Variants in GPAM observed in about 807,000 individuals in gnomAD.
GPAM encodes the protein glycerol-3-phosphate acyltransferase, mitochondrial.
GPAM carries 56 observed loss-of-function variants against 105.0 expected under a neutral mutation model. The ratio of observed to expected loss-of-function variants is 0.53; its 90% CI spans 0.43 to 0.67. The LOEUF is 0.67. Ranked by LOEUF, GPAM falls within the 30% of genes least tolerant of loss-of-function variation. The pLI is 0.00. For missense variants in GPAM, 855 were observed against 989.8 expected, an observed-to-expected ratio of 0.86 and a Z score of 1.83; for synonymous variants, 368 against 354.4, an observed-to-expected ratio of 1.04 and a Z score of -0.43.
At chr10:112,195,700 A>G (rs992091313) in intron 1 of GPAM, among the ~76,000 whole-genome samples, 2 of 152,202 alleles carry the variant, frequency 1.3e-5, no homozygotes, top group Admixed American at 6.5e-5. Context: ...CTACATTCCT[A>G]GTACCTGACG....
chr10:112,199,665 G>A (rs1847769558), intron 1 of GPAM, among the ~76,000 whole-genome samples: 1 of 152,202 alleles, frequency 6.6e-6, no homozygotes, highest in Middle Eastern at 3.2e-3. Context: ...ATAAAGGAAA[G>A]AGGCTTAATT....
At chr10:112,194,250 G>A (rs1847697249) in intron 1 of GPAM, among the ~76,000 whole-genome samples, 1 of 152,108 alleles carries the variant, frequency 6.6e-6, no homozygotes, top group Non-Finnish European at 1.5e-5. Context: ...ATGTGTCCCG[G>A]ATAACTAAAC....
At chr10:112,166,971 T>C (rs905923549) in intron 11 of GPAM, among the ~76,000 whole-genome samples, 1 of 152,178 alleles carries the variant, frequency 6.6e-6, no homozygotes, top group African/African-American at 2.4e-5. Context: ...GCCTTTGAGC[T>C]GAGTATTCAT....
chr10:112,225,796 CT>C, the GPAM span, among the ~76,000 whole-genome samples: 18 of 152,326 alleles, frequency 1.2e-4, no homozygotes, highest in Admixed American at 3.9e-4. Flanking sequence ...AACTATCCCC[CT>C]CCACTAGGGT....
At chr10:112,177,256 C>T (rs948344987) in intron 5 of GPAM, among the ~76,000 whole-genome samples, 9 of 152,166 alleles carry the variant, frequency 5.9e-5, no homozygotes, top group African/African-American at 2.2e-4. Flanking sequence ...ATCATAAGGG[C>T]TTCAAGTAGT....
chr10:112,167,476 C>T (rs1220372986), intron 11 of GPAM, among the ~76,000 whole-genome samples: 1 of 152,094 alleles, frequency 6.6e-6, no homozygotes, highest in Non-Finnish European at 1.5e-5. Context: ...TACAGCCAAA[C>T]ATTTTGTTAA....
At chr10:112,156,140 A>G (rs1847014640) in intron 19 of GPAM, 87 bp from the exon 20 acceptor site, 1 of 889,944 alleles carries the variant, frequency 1.1e-6, no homozygotes, top group Non-Finnish European at 1.8e-6. Context: ...CTGGAGAGCC[A>G]GTAACGTGAG....
chr10:112,166,707 T>C (rs1047853971), intron 11 of GPAM, among the ~76,000 whole-genome samples, 192 bp from the exon 12 acceptor site: 1 of 152,222 alleles, frequency 6.6e-6, no homozygotes, highest in Non-Finnish European at 1.5e-5. Flanking sequence ...AAAGATGTAA[T>C]CATGTCATTG....
chr10:112,193,683 T>G (rs1218253175), intron 1 of GPAM, among the ~76,000 whole-genome samples: 1 of 152,220 alleles, frequency 6.6e-6, no homozygotes, highest in Admixed American at 6.5e-5. Context: ...GATATATTAT[T>G]CAGCTAGCCT....
chr10:112,210,363 T>G (rs762280189), intron 1 of GPAM, among the ~76,000 whole-genome samples: 1 of 152,186 alleles, frequency 6.6e-6, no homozygotes, highest in African/African-American at 2.4e-5. Context: ...TTTTCAAATC[T>G]TGAATTCATG....
rs1220636595 is a variant in GPAM at position 112,152,687 on chromosome 10, T to A, written c.*863A>T. 3 of 985,166 alleles carry A rather than the reference T, an allele frequency of 3.0e-6. No homozygotes were observed. In the African/African-American group the frequency reaches 5.2e-5, roughly 17 times the overall value. 61.0% of individuals were successfully genotyped at this position (985,166 alleles called of 1,614,324 possible). On this transcript the variant is annotated 3_prime_UTR_variant, in exon 22 of 22. Coordinates refer to ENST00000348367, the MANE Select transcript of GPAM (RefSeq NM_001244949.2). ...AGGATTTCCAAGAAACAGCTGTACCTGTGAGAGGCAGGTATTACCTGAGGG... is the reference window on the plus strand; with the variant it reads ...AGGATTTCCAAGAAACAGCTGTACCAGTGAGAGGCAGGTATTACCTGAGGG...
intron 17 of GPAM, 104 bp from the exon 18 acceptor site, chr10:112,158,497 T>TA: frequency 1.3e-6 from 1 of 745,688 alleles, no homozygotes; most frequent in Non-Finnish European, 2.4e-6. Flanking sequence ...TCCATTCTGT[T>TA]ACCTCCATCA....
rs185408115 is a variant in GPAM at position 112,154,186 on chromosome 10, C to T, written c.2370+443G>A. ...CCAAAATCTGAAAGATTTTGAACATCAATATGATGCTCAAAAGACATGCTC... is the reference window on the plus strand; with the variant it reads ...CCAAAATCTGAAAGATTTTGAACATTAATATGATGCTCAAAAGACATGCTC... On this transcript the variant is annotated intron_variant, in intron 21 of 21. Coordinates refer to ENST00000348367, the MANE Select transcript of GPAM (RefSeq NM_001244949.2). The T allele has an allele frequency of 1.0e-3, 199 of 198,786 alleles. 1 individual carries two copies. Among genetic ancestry groups the T allele is most frequent in the Admixed American group, 2.8e-3 (53 of 18,728 alleles). 12.3% of individuals were successfully genotyped at this position (198,786 alleles called of 1,614,324 possible).
intron 1 of GPAM, among the ~76,000 whole-genome samples, chr10:112,211,696 C>G (rs1847913131): frequency 6.6e-6 from 1 of 152,206 alleles, no homozygotes; most frequent in South Asian, 2.1e-4. Context: ...GCCTCACACA[C>G]AGTAAGCACA....
chr10:112,162,693 T>C (rs1329646882), intron 14 of GPAM, among the ~76,000 whole-genome samples: 1 of 152,146 alleles, frequency 6.6e-6, no homozygotes, highest in Non-Finnish European at 1.5e-5. Context: ...TTTTTAAATA[T>C]GAATATTGTG....
At chr10:112,168,013 G>C (rs1344846887) in intron 11 of GPAM, among the ~76,000 whole-genome samples, 2 of 152,156 alleles carry the variant, frequency 1.3e-5, no homozygotes, top group African/African-American at 4.8e-5. Context: ...CCACAGCAGA[G>C]ATGGCAACAC....
intron 4 of GPAM, among the ~76,000 whole-genome samples, chr10:112,179,265 T>C (rs1263319920): frequency 6.6e-6 from 1 of 152,182 alleles, no homozygotes; most frequent in African/African-American, 2.4e-5. Flanking sequence ...TACCCTTTAC[T>C]CCAAACCATT....
chr10:112,170,098 C>A (rs1408323355), intron 9 of GPAM, among the ~76,000 whole-genome samples: 2 of 152,104 alleles, frequency 1.3e-5, no homozygotes, highest in Non-Finnish European at 2.9e-5. Context: ...ATGTAACATG[C>A]TTGAATCATC....
At chr10:112,191,781 G>A (rs1488592654) in intron 1 of GPAM, among the ~76,000 whole-genome samples, 1 of 152,174 alleles carries the variant, frequency 6.6e-6, no homozygotes, top group African/African-American at 2.4e-5. Flanking sequence ...TCCAAGAAAA[G>A]AGTGGAGGCC....
Sources: allele counts gnomAD v4.1 joint callset (sites outside exome capture counted in the v4.1 genomes callset), GRCh38; gene constraint gnomAD v4.1.1; transcripts MANE v1.5; gene names NCBI Gene and HGNC (gene_info 2026-07-23, HGNC 2026-07-21).